MAL: variants seen among roughly 807,000 people sequenced by gnomAD.
MAL encodes myelin and lymphocyte protein.
In MAL, 5 loss-of-function variants were observed where a neutral mutation model predicts 16.7. That is an observed-to-expected ratio of 0.30 (90% CI 0.16 to 0.63). The LOEUF is 0.63. Ranked by LOEUF, MAL falls within the 30% of genes least tolerant of loss-of-function variation. The pLI, the probability that MAL is intolerant of heterozygous loss-of-function variation, is 0.82. For missense variants in MAL, 202 were observed against 195.8 expected (o/e 1.03, Z -0.19); for synonymous variants, 96 against 85.5 (o/e 1.12, Z -0.67).
Position 95,048,118 on chromosome 2 carries a change from G to A in MAL, c.253G>A (p.Val85Ile). 7 of 1,613,088 alleles carry A rather than the reference G, an allele frequency of 4.3e-6. No homozygotes were observed. The South Asian group carries it at 5.5e-5, about 13-fold the overall frequency. Reference protein sequence around the residue: ...IGAHGGETSWVTLDAAYHCTA... With the variant: ...IGAHGGETSWITLDAAYHCTA... ...AGCCCACGGTGGAGAGACTTCCTGG[G>A]TCACCTTGGTGAGTCCAGCCCAGGG... The change falls in exon 2 of 4, where the codon GTC becomes ATC. Residue 85 changes from valine to isoleucine, a missense_variant. Coordinates refer to ENST00000309988, the MANE Select transcript of MAL (RefSeq NM_002371.4).
At chr2:95,034,579 G>A (rs1674161895) in intron 1 of MAL, among the ~76,000 whole-genome samples, 1 of 152,164 alleles carries the variant, frequency 6.6e-6, no homozygotes, top group African/African-American at 2.4e-5. Flanking sequence ...TCAGGGAGGG[G>A]GCAGCCTCTG....
chr2:95,040,682 G>T (rs1010559690), intron 1 of MAL, among the ~76,000 whole-genome samples: 1 of 152,150 alleles, frequency 6.6e-6, no homozygotes, highest in African/African-American at 2.4e-5. Context: ...AAGCACAGAA[G>T]GGCTGGGAGC....
chr2:95,040,408 C>CACACAT (rs1413237217), intron 1 of MAL, among the ~76,000 whole-genome samples: 1 of 152,198 alleles, frequency 6.6e-6, no homozygotes, highest in East Asian at 1.9e-4. Flanking sequence ...TACACACACA[C>CACACAT]ACACATACAC....
intron 3 of MAL, chr2:95,051,371 T>C (rs1674710916): frequency 6.6e-6 from 1 of 152,212 alleles, no homozygotes; most frequent in African/African-American, 2.4e-5. Flanking sequence ...GCATCTGGAC[T>C]AAGAATTAGG....
intron 1 of MAL, chr2:95,026,623 G>C (rs1180486176): frequency 6.6e-6 from 1 of 152,062 alleles, no homozygotes; most frequent in East Asian, 1.9e-4. Flanking sequence ...GTCTCTGCCT[G>C]AGGCTGCAGG....
At chr2:95,030,293 G>A (rs1477346483) in intron 1 of MAL, among the ~76,000 whole-genome samples, 19 of 152,214 alleles carry the variant, frequency 1.2e-4, no homozygotes, top group Admixed American at 1.2e-3. Flanking sequence ...TGCAGGTGGT[G>A]TGGTCATCAG....
At chr2:95,037,260 ACT>A in intron 1 of MAL, among the ~76,000 whole-genome samples, 1 of 149,942 alleles carries the variant, frequency 6.7e-6, no homozygotes, top group East Asian at 2.0e-4. Flanking sequence ...TGAATGAGTG[ACT>A]GAGTGGGTGA....
intron 1 of MAL, among the ~76,000 whole-genome samples, chr2:95,029,752 T>G (rs1287789418): frequency 2.6e-5 from 4 of 152,154 alleles, no homozygotes. Context: ...TCAAGACCCC[T>G]ACTTACTCAA....
intron 1 of MAL, among the ~76,000 whole-genome samples, chr2:95,042,028 C>T (rs1674479507): frequency 6.6e-6 from 1 of 152,188 alleles, no homozygotes. Context: ...TCTCAGTCCC[C>T]ATCCTGAGAC....
chr2:95,052,432 A>G (rs968836870), intron 3 of MAL, among the ~76,000 whole-genome samples: 2 of 152,208 alleles, frequency 1.3e-5, no homozygotes, highest in African/African-American at 4.8e-5. Context: ...TAAATGTGTT[A>G]TTCAATAATT....
At chr2:95,052,669 A>G (rs1674745703) in intron 3 of MAL, among the ~76,000 whole-genome samples, 1 of 152,170 alleles carries the variant, frequency 6.6e-6, no homozygotes, top group Non-Finnish European at 1.5e-5. Context: ...TTCAGGGAGT[A>G]GGGTGATGGG....
intron 3 of MAL, among the ~76,000 whole-genome samples, chr2:95,052,723 G>C (rs1464989936): frequency 6.6e-6 from 1 of 152,204 alleles, no homozygotes; most frequent in Non-Finnish European, 1.5e-5. Context: ...CCAGAAAGCA[G>C]GGCCATCGCT....
In MAL at chr2:95,049,564, C is replaced by T; in HGVS notation, c.262-17C>T. 6.2e-7 allele frequency: 1 copy of T among 1,613,930 alleles called. No homozygotes were observed. Among genetic ancestry groups the T allele is most frequent in the East Asian group, 2.2e-5 (1 of 44,876 alleles). ...TCTCTCTCTCCCCATCCCTCTGACA[C>T]CCCGTCTGCCCCATAGGACGCAGCC... On this transcript the variant is annotated splice_polypyrimidine_tract_variant and intron_variant, in intron 2 of 3. Coordinates refer to ENST00000309988, the MANE Select transcript of MAL (RefSeq NM_002371.4).
chr2:95,053,464 T>C lies in MAL; in HGVS notation c.*9T>C. On this transcript the variant is annotated 3_prime_UTR_variant, in exon 4 of 4. Coordinates refer to ENST00000309988, the MANE Select transcript of MAL (RefSeq NM_002371.4). ...GATGGAAGTCTTCATAAAGCCGCAG[T>C]AGAACTTGAGCTGAAAACCCAGATG... 2 of 1,608,792 alleles carry C rather than the reference T, an allele frequency of 1.2e-6. No individual in the cohort carries two copies. The highest frequency in any genetic ancestry group is 8.5e-7 in the Non-Finnish European group (1 of 1,175,200).
chr2:95,046,877 GAGAGAGAGAGAGAAAAGAA>G (rs1409458574), intron 1 of MAL, among the ~76,000 whole-genome samples: 1 of 149,248 alleles, frequency 6.7e-6, no homozygotes, highest in African/African-American at 2.5e-5. Context: ...AAGAGAAAGG[GAGAGAGAGAGAGAAAAGAA>G]AGAGAGAGAG....
rs1434481505 is a variant in MAL at position 95,042,777 on chromosome 2, G to A, written c.94-5182G>A. The stretch of plus-strand genomic sequence containing the variant: ...CCACCTGGAGTCTCCTTGATGAAAG[G>A]AAATGCTTGAACCCTCACATACTCC... On this transcript the variant is annotated intron_variant, in intron 1 of 3. Coordinates refer to ENST00000309988, the MANE Select transcript of MAL (RefSeq NM_002371.4). 8.5e-5 allele frequency among the ~76,000 whole-genome samples: 13 copies of A among 152,212 alleles called. No individual in the cohort carries two copies. The East Asian group carries it at 2.5e-3, about 29-fold the overall frequency.
Position 95,053,592 on chromosome 2 carries a change from A to T in MAL, c.*137A>T, listed in dbSNP as rs1252252619. On this transcript the variant is annotated 3_prime_UTR_variant, in exon 4 of 4. Transcript: ENST00000309988. Reference sequence around the variant, plus strand: ...AACCACCCCCCCACTGCCCAAAAAAAAAAGCCCTGCCCTGTTGCTCGTGGG... The same window carrying T: ...AACCACCCCCCCACTGCCCAAAAAATAAAGCCCTGCCCTGTTGCTCGTGGG... The T allele has an allele frequency of 2.9e-6, 2 of 680,088 alleles. No homozygotes were observed. Among genetic ancestry groups the T allele is most frequent in the East Asian group, 5.3e-5 (2 of 37,782 alleles). 42.1% of individuals were successfully genotyped at this position (680,088 alleles called of 1,614,324 possible).
intron 2 of MAL, 144 bp from the exon 3 acceptor site, chr2:95,049,436 TG>T: frequency 9.8e-7 from 1 of 1,021,626 alleles, no homozygotes; most frequent in Non-Finnish European, 1.4e-6. Context: ...AGGGCAGGCA[TG>T]GGACCTCCGT....
At chr2:95,026,653 ACTC>A (rs1290134355) in intron 1 of MAL, 2 of 147,748 alleles carry the variant, frequency 1.4e-5, no homozygotes, top group Admixed American at 6.7e-5. Context: ...CCTACTGAGA[ACTC>A]CTGATAAGCG....
Sources: gnomAD v4.1 joint callset for allele counts (sites outside exome capture counted in the v4.1 genomes callset) on GRCh38, gnomAD v4.1.1 for gene constraint, MANE v1.5 for transcripts, NCBI Gene and HGNC (gene_info 2026-07-23, HGNC 2026-07-21) for gene names.